Variants in HPS4 observed in about 807,000 individuals in gnomAD.
The protein encoded by HPS4 is BLOC-3 complex member HPS4.
In HPS4, 44 loss-of-function variants were observed where a neutral mutation model predicts 70.3. The observed-to-expected ratio is 0.63, with a 90% CI of 0.49 to 0.80. The LOEUF (loss-of-function observed/expected upper bound fraction) is 0.80, where lower values mean the gene tolerates loss of function less well. Ranked by LOEUF, HPS4 falls within the 30% of genes least tolerant of loss-of-function variation. HPS4 has a pLI of 0.00. For synonymous variants in HPS4, 377 were observed against 355.9 expected, an observed-to-expected ratio of 1.06 and a Z score of -0.67; for missense variants, 873 against 884.4, an observed-to-expected ratio of 0.99 and a Z score of 0.16.
intron 3 of HPS4, among the ~76,000 whole-genome samples, chr22:26,445,761 G>A (rs776053462): frequency 6.6e-6 from 1 of 152,214 alleles, no homozygotes; most frequent in Non-Finnish European, 1.5e-5. Flanking sequence ...CCAAATGGAA[G>A]AGATGGGAAA....
At chr22:26,448,561 T>C (rs967708272), downstream of HPS4, among the ~76,000 whole-genome samples, 4 of 152,210 alleles carry the variant, frequency 2.6e-5, no homozygotes, top group Admixed American at 6.5e-5. Context: ...CTCAGGGTGC[T>C]TGGCCCAGCT....
At chr22:26,454,064 C>G (rs1267315796) in intron 13 of HPS4, 1 of 153,198 alleles carries the variant, frequency 6.5e-6, no homozygotes, top group Admixed American at 6.5e-5. Context: ...ACAAACCCCC[C>G]TGGTTTCTGG....
rs747815226 is a variant in HPS4, at chr22:26,472,281, TAAG to T, written c.501+18_501+20del. 1.6e-5 allele frequency: 21 copies of T among 1,346,282 alleles called. No individual in the cohort carries two copies. In the Admixed American group the frequency reaches 2.5e-4, roughly 16 times the overall value. The allele number at this position is 1,346,282 out of a possible 1,614,324, so 83.4% of individuals were successfully genotyped here. ...GCCCTAGTCTTACATATAAAATGAATAAGGAGGATGAAAATGTTACTTTAGTTT... is the reference window on the plus strand; with the variant it reads ...GCCCTAGTCTTACATATAAAATGAATGAGGATGAAAATGTTACTTTAGTTT... On this transcript the variant is annotated intron_variant, in intron 6 of 13. Transcript: ENST00000398145.
chr22:26,479,634 C>T, intron 2 of HPS4: 1 of 1,305,338 alleles, frequency 7.7e-7, no homozygotes, highest in East Asian at 3.3e-5. Context: ...CCCACAATGA[C>T]TGCTCTTATT....
At chr22:26,458,299 G>C (rs1335042647) in intron 12 of HPS4, 146 bp downstream of exon 12, 1 of 991,044 alleles carries the variant, frequency 1.0e-6, no homozygotes, top group African/African-American at 1.6e-5. Flanking sequence ...AGTGGGACTG[G>C]GCTCCCGGTG....
At chr22:26,447,488 G>C (rs2084992789), downstream of HPS4, among the ~76,000 whole-genome samples, 1 of 152,164 alleles carries the variant, frequency 6.6e-6, no homozygotes, top group African/African-American at 2.4e-5. Context: ...AGTGTCAAGT[G>C]AGGTTTTGGT....
chr22:26,448,735 A>G (rs545140163), downstream of HPS4, among the ~76,000 whole-genome samples: 4 of 152,242 alleles, frequency 2.6e-5, no homozygotes, highest in African/African-American at 9.6e-5. Context: ...GGACATTTAA[A>G]TACTGGATCA....
At chr22:26,461,625 T>TG (rs2087289793) in intron 11 of HPS4, among the ~76,000 whole-genome samples, 1 of 152,142 alleles carries the variant, frequency 6.6e-6, no homozygotes, top group Non-Finnish European at 1.5e-5. Context: ...AAAAGGGGTG[T>TG]GCTCACCGTA....
In HPS4 at chr22:26,457,631, T is replaced by C. The variant is rs141881527; in HGVS notation, c.1955+228A>G. 3.5e-3 allele frequency among the ~76,000 whole-genome samples: 532 copies of C among 152,348 alleles called. 6 individuals are homozygous for C. The highest frequency in any genetic ancestry group is 0.012 in the African/African-American group (486 of 41,574). ...TGGTGAGGACCTCAGGTTCCTTCAC[T>C]GCTGGACCCCAAGCGTCTAAAGTAG... On this transcript the variant is annotated intron_variant, in intron 13 of 13. Coordinates refer to ENST00000398145, the MANE Select transcript of HPS4 (RefSeq NM_022081.6).
Position 26,477,135 on chromosome 22 carries a change from G to A in HPS4, c.134C>T (p.Thr45Ile). 6.2e-7 allele frequency: 1 copy of A among 1,614,204 alleles called. No homozygotes were observed. Among genetic ancestry groups the A allele is most frequent in the South Asian group, 1.1e-5 (1 of 91,084 alleles). Residue 45 changes from threonine (T) to isoleucine (I), a missense_variant and splice_region_variant, in exon 4 of 14, where the codon ACC (threonine) becomes ATC (isoleucine). Thr to Ile is a moderately conservative substitution (Grantham distance 89, BLOSUM62 -1). Coordinates refer to ENST00000398145, the MANE Select transcript of HPS4 (RefSeq NM_022081.6). ...AAGCAACTCCTGTTGGTCTAGCAGG[G>A]TCTGTGGGAAAGGAGCACATTCCAG... ...AGICYFYPSQ[T>I]LLDQQELLCG...
At chr22:26,467,426 G>A (rs550889788) in intron 8 of HPS4, 3 of 152,292 alleles carry the variant, frequency 2.0e-5, no homozygotes, top group South Asian at 2.1e-4. Flanking sequence ...AGTTTTGTCT[G>A]ATTTTTCACT....
chr22:26,460,151 C>T (rs1342125117), intron 11 of HPS4, among the ~76,000 whole-genome samples: 2 of 152,206 alleles, frequency 1.3e-5, no homozygotes, highest in Non-Finnish European at 2.9e-5. Flanking sequence ...GAGTGTCTGA[C>T]TCCTAGTAGG....
chr22:26,471,702 C>T (rs563980762), intron 6 of HPS4, among the ~76,000 whole-genome samples: 44 of 152,194 alleles, frequency 2.9e-4, no homozygotes, highest in Non-Finnish European at 5.9e-4. Context: ...CAGTGCTACA[C>T]CCCTGCTACA....
In HPS4 at chr22:26,481,934, A is replaced by C. The variant is rs2091326502; in HGVS notation, c.-172T>G. On this transcript the variant is annotated 5_prime_UTR_variant, in exon 2 of 14. Transcript: ENST00000398145. The stretch of plus-strand genomic sequence containing the variant: ...TGGTTAGTTTTCACTCAGCATGGAA[A>C]GTTCCACTTCCCTTCCTTGCAGGTT... 2.9e-6 allele frequency: 2 copies of C among 684,254 alleles called. No homozygotes were observed. The highest frequency in any genetic ancestry group is 5.4e-6 in the Non-Finnish European group (2 of 373,826). 42.4% of individuals were successfully genotyped at this position (684,254 alleles called of 1,614,324 possible).
chr22:26,461,475 G>A (rs978772783), intron 11 of HPS4, among the ~76,000 whole-genome samples: 8 of 152,020 alleles, frequency 5.3e-5, no homozygotes, highest in Non-Finnish European at 1.2e-4. Context: ...GCTCCACCCA[G>A]GGCTCCTTTC....
At chr22:26,468,150 A>G (rs1048933919) in intron 8 of HPS4, 2 of 251,492 alleles carry the variant, frequency 8.0e-6, no homozygotes, top group Admixed American at 5.0e-5. Context: ...TGATCTGCCC[A>G]CCTCAGCCAC....
At chr22:26,465,586 CCT>C in intron 9 of HPS4, 35 bp from the exon 10 acceptor site, 1 of 1,561,050 alleles carries the variant, frequency 6.4e-7, no homozygotes, top group African/African-American at 1.4e-5. Context: ...AGGACTTTCC[CCT>C]GAGCCAGAGA....
At position 26,483,769 on chromosome 22, in the gene HPS4, G is replaced by C. The variant is rs1231807933; in HGVS notation, c.-574C>G. 1 of 639,522 alleles carries C rather than the reference G, an allele frequency of 1.6e-6. No individual in the cohort carries two copies. Among genetic ancestry groups the C allele is most frequent in the African/African-American group, 1.9e-5 (1 of 51,700 alleles). The allele number at this position is 639,522 out of a possible 1,614,324, so 39.6% of individuals were successfully genotyped here. On this transcript the variant is annotated 5_prime_UTR_variant, in exon 1 of 14. Coordinates refer to ENST00000398145, the MANE Select transcript of HPS4 (RefSeq NM_022081.6). ...CCTGCGACTTCTGCCCCGTACCTGC[G>C]CGCGCGGCAGAGAGGCCTTAGGTCA...
chr22:26,447,897 G>A (rs568203933), downstream of HPS4, among the ~76,000 whole-genome samples: 28 of 152,196 alleles, frequency 1.8e-4, no homozygotes, highest in African/African-American at 6.3e-4. Context: ...CCACCCCCAC[G>A]TTCGAGGTGA....
Sources: allele counts gnomAD v4.1 joint callset (sites outside exome capture counted in the v4.1 genomes callset), GRCh38; gene constraint gnomAD v4.1.1; transcripts MANE v1.5; gene names NCBI Gene and HGNC (gene_info 2026-07-23, HGNC 2026-07-21).